The following CHKA variants were observed in gnomAD, a reference collection of about 807,000 sequenced individuals.
The protein encoded by CHKA is choline kinase alpha, also known as CHETK-alpha.
In CHKA, 34 loss-of-function variants were observed where a neutral mutation model predicts 60.1. The observed-to-expected ratio is 0.57, with a 90% confidence interval of 0.43 to 0.75. The LOEUF (loss-of-function observed/expected upper bound fraction) is 0.75, where lower values mean the gene tolerates loss of function less well. Ranked by LOEUF, CHKA falls within the 30% of genes least tolerant of loss-of-function variation. The pLI, the probability that CHKA is intolerant of heterozygous loss-of-function variation, is 0.00. For synonymous variants in CHKA, 217 were observed against 223.1 expected, an observed-to-expected ratio of 0.97 and a Z score of 0.24; for missense variants, 563 against 561.3, an observed-to-expected ratio of 1.00 and a Z score of -0.03.
intron 10 of CHKA, among the ~76,000 whole-genome samples, chr11:68,063,486 C>A (rs1376932662): frequency 7.6e-6 from 1 of 131,820 alleles, no homozygotes; most frequent in Non-Finnish European, 1.7e-5. Context: ...GATCAAGACT[C>A]CATCTCAAAA....
intron 2 of CHKA, among the ~76,000 whole-genome samples, chr11:68,092,283 T>C (rs1388506630): frequency 1.3e-5 from 2 of 152,232 alleles, no homozygotes; most frequent in Non-Finnish European, 2.9e-5. Context: ...CAATTTTTTA[T>C]CAATCCTGAC....
chr11:68,053,950 G>A lies in CHKA; in HGVS notation c.*38C>T. 1 of 1,586,692 alleles carries A rather than the reference G, an allele frequency of 6.3e-7. No individual in the cohort carries two copies. Among genetic ancestry groups the A allele is most frequent in the Non-Finnish European group, 8.6e-7 (1 of 1,156,660 alleles). On this transcript the variant is annotated 3_prime_UTR_variant, in exon 12 of 12. Coordinates refer to ENST00000265689, the MANE Select transcript of CHKA (RefSeq NM_001277.3). ...GGACCCCGCTCTGCTGCCTCCCCAT[G>A]CAGTCCAGTGATGAGGTGGATGGAG...
chr11:68,059,589 T>C (rs1434006470), intron 11 of CHKA, among the ~76,000 whole-genome samples: 3 of 152,252 alleles, frequency 2.0e-5, no homozygotes, highest in Admixed American at 1.3e-4. Flanking sequence ...TGACATGCTA[T>C]GTTTTCATTA....
chr11:68,075,468 G>A (rs901077839), intron 3 of CHKA, among the ~76,000 whole-genome samples: 5 of 151,574 alleles, frequency 3.3e-5, no homozygotes, highest in Admixed American at 2.0e-4. Context: ...TTCTATCTTC[G>A]TCCTAATAAT....
At chr11:68,073,993 C>T (rs1856704912) in intron 4 of CHKA, among the ~76,000 whole-genome samples, 1 of 152,084 alleles carries the variant, frequency 6.6e-6, no homozygotes, top group African/African-American at 2.4e-5. Context: ...GGCTCAGAGC[C>T]ACACTTCAAC....
intron 2 of CHKA, among the ~76,000 whole-genome samples, chr11:68,086,933 C>T (rs952293298): frequency 6.6e-6 from 1 of 152,038 alleles, no homozygotes; most frequent in Non-Finnish European, 1.5e-5. Flanking sequence ...TTGCAGTGAG[C>T]AGAGATCGTG....
At chr11:68,089,720 T>C (rs557738369) in intron 2 of CHKA, 2 of 152,344 alleles carry the variant, frequency 1.3e-5, no homozygotes, top group Admixed American at 6.5e-5. Context: ...TTAACAAGCA[T>C]TACAACTTTC....
At chr11:68,072,297 C>G (rs916155184) in intron 4 of CHKA, among the ~76,000 whole-genome samples, 15 of 152,134 alleles carry the variant, frequency 9.9e-5, no homozygotes, top group African/African-American at 3.4e-4. Flanking sequence ...GTAATCCCAG[C>G]ACTTTGGGAG....
intron 1 of CHKA, among the ~76,000 whole-genome samples, chr11:68,103,303 C>T (rs1857795006): frequency 6.6e-6 from 1 of 151,528 alleles, no homozygotes; most frequent in Non-Finnish European, 1.5e-5. Flanking sequence ...TGCAAATGAG[C>T]TGTGATTGTG....
intron 7 of CHKA, among the ~76,000 whole-genome samples, chr11:68,068,346 T>C (rs999291469): frequency 6.6e-6 from 1 of 152,190 alleles, no homozygotes; most frequent in African/African-American, 2.4e-5. Context: ...AAAAGTAATA[T>C]GTGACTTAGA....
intron 1 of CHKA, among the ~76,000 whole-genome samples, chr11:68,113,418 T>C (rs188066316): frequency 6.6e-6 from 1 of 152,042 alleles, no homozygotes; most frequent in Non-Finnish European, 1.5e-5. Flanking sequence ...GATACCTGAC[T>C]GGGCGCGGTG....
At chr11:68,061,406 G>A (rs1242363020) in intron 11 of CHKA, 1 of 212,214 alleles carries the variant, frequency 4.7e-6, no homozygotes, top group East Asian at 1.1e-4. Flanking sequence ...GTACCCGGCT[G>A]ACAATTCTTA....
Position 68,121,085 on chromosome 11 carries a change from G to A in CHKA, c.93C>T (p.Pro31=). The A allele has an allele frequency of 2.6e-6, 3 of 1,135,786 alleles. No homozygotes were observed. Among genetic ancestry groups the A allele is most frequent in the Non-Finnish European group, 2.2e-6 (2 of 927,058 alleles). 70.4% of individuals were successfully genotyped at this position (1,135,786 alleles called of 1,614,324 possible). ...CGGCGTCGCGCTGCTGCCCCACGCC[G>A]GGCGCCGGGGCCGCGCTGCCGCTAC... ...SCGSGSAAPA[P]GVGQQRDAAS... Residue 31 remains proline, a synonymous_variant, in exon 1 of 12, where the codon CCC becomes CCT. Transcript: ENST00000265689.
chr11:68,075,403 C>T (rs1856754243), intron 3 of CHKA, among the ~76,000 whole-genome samples: 1 of 151,892 alleles, frequency 6.6e-6, no homozygotes, highest in Admixed American at 6.6e-5. Flanking sequence ...CACACCCGAC[C>T]TTTTCCTGTT....
chr11:68,074,979 G>A, intron 3 of CHKA, 149 bp from the exon 4 acceptor site: 1 of 696,400 alleles, frequency 1.4e-6, no homozygotes. Context: ...TTTTAAATAT[G>A]AAGAAACAGA....
intron 2 of CHKA, among the ~76,000 whole-genome samples, chr11:68,084,756 C>G (rs552979615): frequency 1.3e-5 from 2 of 151,890 alleles, no homozygotes; most frequent in East Asian, 1.9e-4. Context: ...AATATAACAT[C>G]TGGAATTTGC....
intron 1 of CHKA, among the ~76,000 whole-genome samples, chr11:68,106,976 G>A (rs569989818): frequency 1.8e-4 from 27 of 152,182 alleles, no homozygotes; most frequent in Middle Eastern, 3.4e-3. Context: ...ATGTTCGGCC[G>A]GGCATGGTGG....
At chr11:68,077,978 G>C (rs571355324) in intron 3 of CHKA, among the ~76,000 whole-genome samples, 2 of 152,272 alleles carry the variant, frequency 1.3e-5, no homozygotes, top group East Asian at 3.9e-4. Flanking sequence ...GGGTGGACTG[G>C]GGCTTACAGA....
intron 1 of CHKA, among the ~76,000 whole-genome samples, chr11:68,101,170 G>A (rs970501916): frequency 4.6e-5 from 7 of 151,686 alleles, no homozygotes; most frequent in Non-Finnish European, 4.4e-5. Flanking sequence ...GGATGGTCTC[G>A]ATCTCCTGAC....
Sources: allele counts gnomAD v4.1 joint callset (sites outside exome capture counted in the v4.1 genomes callset), GRCh38; gene constraint gnomAD v4.1.1; transcripts MANE v1.5; gene names NCBI Gene and HGNC (gene_info 2026-07-23, HGNC 2026-07-21).